The following TMEM244 variants were observed in gnomAD, a reference collection of about 807,000 sequenced individuals.
The protein encoded by TMEM244 is putative transmembrane protein 244.
A neutral mutation model predicts 15.8 loss-of-function variants in TMEM244; 13 were observed. The ratio of observed to expected loss-of-function variants is 0.82; its 90% confidence interval spans 0.53 to 1.30. The LOEUF is 1.30. TMEM244 is among the 50% of genes most tolerant of loss of function. The pLI is 0.00. For missense variants in TMEM244, 161 were observed against 144.9 expected (o/e 1.11, Z -0.57); for synonymous variants, 45 against 48.7 (o/e 0.92, Z 0.32).
At chr6:129,856,193 A>C (rs1202096775) in intron 1 of TMEM244, among the ~76,000 whole-genome samples, 1 of 152,128 alleles carries the variant, frequency 6.6e-6, no homozygotes. Flanking sequence ...CAATTTGAGC[A>C]CCTACCAGAT....
At chr6:129,845,656 A>T in intron 2 of TMEM244, 111 bp downstream of exon 2, 2 of 851,580 alleles carry the variant, frequency 2.3e-6, no homozygotes, top group East Asian at 2.6e-5. Context: ...CTATGTCTTT[A>T]AAAAAATCCA....
At chr6:129,853,257 G>C (rs549636450) in intron 1 of TMEM244, among the ~76,000 whole-genome samples, 1 of 152,192 alleles carries the variant, frequency 6.6e-6, no homozygotes, top group Admixed American at 6.5e-5. Context: ...ATTCAATGCT[G>C]TTCCCCCTGT....
chr6:129,845,997 T>G, intron 1 of TMEM244, 145 bp from the exon 2 acceptor site: 1 of 575,950 alleles, frequency 1.7e-6, no homozygotes, highest in South Asian at 2.5e-5. Context: ...TGGGAATGAC[T>G]TCAAAGTGCC....
intron 3 of TMEM244, 53 bp from the exon 4 acceptor site, chr6:129,833,638 T>C (rs757045783): frequency 1.0e-5 from 16 of 1,549,542 alleles, no homozygotes; most frequent in Non-Finnish European, 1.1e-5. Context: ...ATGAACATTC[T>C]GAAATACAAC....
At chr6:129,851,470 A>G (rs2114643819) in intron 1 of TMEM244, among the ~76,000 whole-genome samples, 1 of 152,198 alleles carries the variant, frequency 6.6e-6, no homozygotes, top group South Asian at 2.1e-4. Flanking sequence ...GGGTTTCACC[A>G]TGTTGGCCAG....
chr6:129,854,787 G>A (rs1039501772), intron 1 of TMEM244, among the ~76,000 whole-genome samples: 2 of 152,108 alleles, frequency 1.3e-5, no homozygotes, highest in African/African-American at 2.4e-5. Context: ...GGTTTATTGG[G>A]ACATAATCCC....
intron 3 of TMEM244, among the ~76,000 whole-genome samples, chr6:129,840,166 C>G (rs1470476187): frequency 6.6e-6 from 1 of 152,186 alleles, no homozygotes; most frequent in African/African-American, 2.4e-5. Context: ...ATCACGCTAC[C>G]TGACTTCAAA....
At chr6:129,850,718 A>G (rs1050410579) in intron 1 of TMEM244, among the ~76,000 whole-genome samples, 3 of 152,254 alleles carry the variant, frequency 2.0e-5, no homozygotes, top group African/African-American at 7.2e-5. Context: ...TATATCCAAC[A>G]TATTAAGATT....
At chr6:129,853,913 C>T (rs1314293624) in intron 1 of TMEM244, among the ~76,000 whole-genome samples, 4 of 152,156 alleles carry the variant, frequency 2.6e-5, no homozygotes, top group Admixed American at 1.3e-4. Flanking sequence ...ACTGGCTTGA[C>T]GGGGCATAAT....
intron 1 of TMEM244, among the ~76,000 whole-genome samples, chr6:129,850,131 C>G (rs1018792194): frequency 8.5e-5 from 13 of 152,116 alleles, no homozygotes; most frequent in African/African-American, 3.1e-4. Context: ...CCGACTCAAC[C>G]CTTATGCTAC....
chr6:129,845,682 A>G, intron 2 of TMEM244, 85 bp downstream of exon 2: 1 of 1,002,618 alleles, frequency 1.0e-6, no homozygotes, highest in South Asian at 1.4e-5. Context: ...TCTAATCCAT[A>G]AAGACATATG....
chr6:129,843,639 A>C, intron 2 of TMEM244, 36 bp from the exon 3 acceptor site: 1 of 1,490,508 alleles, frequency 6.7e-7, no homozygotes, highest in Non-Finnish European at 9.3e-7. Flanking sequence ...TTTACTCTGA[A>C]TGAGGCAGTT....
chr6:129,834,511 T>A (rs1337285731), intron 3 of TMEM244, among the ~76,000 whole-genome samples: 1 of 152,050 alleles, frequency 6.6e-6, no homozygotes, highest in Non-Finnish European at 1.5e-5. Context: ...AAGCAAAAAA[T>A]AAAATAATCA....
chr6:129,843,690 A>G, intron 2 of TMEM244, 87 bp from the exon 3 acceptor site: 3 of 975,588 alleles, frequency 3.1e-6, no homozygotes, highest in Admixed American at 1.9e-5. Flanking sequence ...CTATTTTCAT[A>G]CAAGGATAAG....
chr6:129,833,392 G>T lies in TMEM244; in HGVS notation c.319+68C>A. 5 of 1,517,194 alleles carry T rather than the reference G, an allele frequency of 3.3e-6. No homozygotes were observed. In the South Asian group the frequency reaches 6.5e-5, roughly 20 times the overall value. 94.0% of individuals were successfully genotyped at this position (1,517,194 alleles called of 1,614,324 possible). ...TATGCAGACAACAAAGTTCTACTCA[G>T]GAAGTGGTTTATGTCCAACATCTGT... is the stretch of plus-strand genomic sequence containing the variant. On this transcript the variant is annotated intron_variant, in intron 4 of 4. Coordinates refer to ENST00000368143, the MANE Select transcript of TMEM244 (RefSeq NM_001010876.2).
In TMEM244 at chr6:129,861,289, T is replaced by G; in HGVS notation, c.-101A>C. ...TCACCGTGAGCTTTTCAATTACTCC[T>G]GGAGACTAAGTGTGAGACGCAGTAG... On this transcript the variant is annotated 5_prime_UTR_variant, in exon 1 of 5. Coordinates refer to ENST00000368143, the MANE Select transcript of TMEM244 (RefSeq NM_001010876.2). 1 of 1,382,886 alleles carries G rather than the reference T, an allele frequency of 7.2e-7. No homozygotes were observed. Among genetic ancestry groups the G allele is most frequent in the Non-Finnish European group, 1.0e-6 (1 of 978,416 alleles). The allele number at this position is 1,382,886 out of a possible 1,614,324, so 85.7% of individuals were successfully genotyped here. A position where few individuals can be genotyped will look rare whatever the true frequency, so the allele number is the denominator to read the frequency against.
intron 3 of TMEM244, among the ~76,000 whole-genome samples, chr6:129,841,969 A>C (rs575491824): frequency 6.6e-6 from 1 of 152,198 alleles, no homozygotes; most frequent in African/African-American, 2.4e-5. Flanking sequence ...ATCTCCCCAA[A>C]CCCAAAATTA....
chr6:129,838,156 C>G (rs1001318091), intron 3 of TMEM244, among the ~76,000 whole-genome samples: 1 of 152,108 alleles, frequency 6.6e-6, no homozygotes, highest in South Asian at 2.1e-4. Context: ...CTCTAAAATT[C>G]ACCACATAAT....
At chr6:129,846,917 G>C (rs988791945) in intron 1 of TMEM244, among the ~76,000 whole-genome samples, 1 of 152,072 alleles carries the variant, frequency 6.6e-6, no homozygotes, top group African/African-American at 2.4e-5. Flanking sequence ...TTTGACAAAT[G>C]GTGCTGTGAA....
Sources: allele counts gnomAD v4.1 joint callset (sites outside exome capture counted in the v4.1 genomes callset), GRCh38; gene constraint gnomAD v4.1.1; transcripts MANE v1.5; gene names NCBI Gene and HGNC (gene_info 2026-07-23, HGNC 2026-07-21).